NCOR2: variants seen among roughly 807,000 people sequenced by gnomAD.
NCOR2 encodes the protein nuclear receptor corepressor 2.
NCOR2 carries 81 observed loss-of-function variants against 262.9 expected under a neutral mutation model. The observed-to-expected ratio is 0.31, with a 90% CI of 0.26 to 0.37. The LOEUF (loss-of-function observed/expected upper bound fraction) is 0.37. Among genes scored for constraint, NCOR2 ranks in the 10% least tolerant of loss-of-function variants. The pLI, the probability that NCOR2 is intolerant of heterozygous loss-of-function variation, is 1.00. For synonymous variants in NCOR2, 1,659 were observed against 1,559.3 expected (o/e 1.06, Z -1.51); for missense variants, 3,385 against 3,621.4 (o/e 0.93, Z 1.68).
At chr12:124,358,056 G>A (rs575505025) in intron 22 of NCOR2, among the ~76,000 whole-genome samples, 6 of 140,424 alleles carry the variant, frequency 4.3e-5, no homozygotes, top group Admixed American at 7.2e-5. Flanking sequence ...GTGTGTGCCT[G>A]TACACAATGT....
chr12:124,557,838 C>T (rs1158175041), intron 1 of NCOR2, among the ~76,000 whole-genome samples: 1 of 152,154 alleles, frequency 6.6e-6, no homozygotes, highest in Non-Finnish European at 1.5e-5. Context: ...CACAGAATTC[C>T]TCCCAAATCC....
At chr12:124,490,791 G>A (rs776485964) in intron 1 of NCOR2, among the ~76,000 whole-genome samples, 12 of 152,236 alleles carry the variant, frequency 7.9e-5, no homozygotes, top group Non-Finnish European at 1.6e-4. Context: ...GTTGCCAACT[G>A]CAACGAAGTG....
chr12:124,515,879 T>C (rs886627829), intron 1 of NCOR2, among the ~76,000 whole-genome samples: 2 of 152,192 alleles, frequency 1.3e-5, no homozygotes, highest in African/African-American at 4.8e-5. Flanking sequence ...CTGAGCTGCC[T>C]CGTCACAAAG....
intron 4 of NCOR2, among the ~76,000 whole-genome samples, chr12:124,467,818 A>C (rs1593681049): frequency 1.2e-4 from 4 of 32,904 alleles, no homozygotes; most frequent in Admixed American, 4.4e-4. Flanking sequence ...CATCCTTATC[A>C]CCCCCATCAC....
chr12:124,435,985 C>T (rs985226935), intron 8 of NCOR2, among the ~76,000 whole-genome samples: 2 of 152,248 alleles, frequency 1.3e-5, no homozygotes, highest in Non-Finnish European at 2.9e-5. Flanking sequence ...CTCAGAAGAG[C>T]GCCTGCAACA....
At chr12:124,371,909 C>T (rs945396580) in intron 20 of NCOR2, 113 bp downstream of exon 22, 35 of 1,103,806 alleles carry the variant, frequency 3.2e-5, no homozygotes, top group African/African-American at 2.5e-4. Flanking sequence ...AACCACACCT[C>T]GGGCTCCCCC....
At chr12:124,475,755 GC>G (rs1401263812) in intron 3 of NCOR2, among the ~76,000 whole-genome samples, 2 of 152,228 alleles carry the variant, frequency 1.3e-5, no homozygotes, top group African/African-American at 4.8e-5. Flanking sequence ...TTGACGACAT[GC>G]CCAAGGCCAC....
intron 24 of NCOR2, 38 bp from the exon 27 acceptor site, chr12:124,354,977 G>C: frequency 6.4e-7 from 1 of 1,570,628 alleles, no homozygotes; most frequent in Non-Finnish European, 8.7e-7. Flanking sequence ...GGGGCACCCT[G>C]GTCCCTCCCC....
At chr12:124,350,636 C>G in exon 28 of NCOR2, 1 of 1,613,996 alleles carries the variant, frequency 6.2e-7, no homozygotes, top group Non-Finnish European at 8.5e-7. Context: ...TGACGTGGCC[C>G]TTGGGCAGGC....
At chr12:124,392,206 G>A (rs1483602123) in intron 16 of NCOR2, among the ~76,000 whole-genome samples, 1 of 152,208 alleles carries the variant, frequency 6.6e-6, no homozygotes, top group Non-Finnish European at 1.5e-5. Flanking sequence ...GGGAAGGGGG[G>A]CTTGTTGATG....
chr12:124,354,441 G>A (rs987019274), intron 26 of NCOR2, 37 bp downstream of exon 28: 7 of 1,450,678 alleles, frequency 4.8e-6, no homozygotes, highest in Non-Finnish European at 6.4e-6. Context: ...GAGGAACAGG[G>A]GCAGATGCTG....
chr12:124,547,621 C>T (rs1475903289), intron 1 of NCOR2, among the ~76,000 whole-genome samples: 1 of 152,236 alleles, frequency 6.6e-6, no homozygotes, highest in African/African-American at 2.4e-5. Flanking sequence ...AAAACATTTT[C>T]ATCACTCTAA....
At chr12:124,536,089 T>C (rs1309255600), upstream of NCOR2, among the ~76,000 whole-genome samples, 4 of 152,034 alleles carry the variant, frequency 2.6e-5, no homozygotes, top group Non-Finnish European at 5.9e-5. Flanking sequence ...TTTTGGAGTG[T>C]TTTTGTTTTT....
rs1445856029 is a variant in NCOR2 at position 124,362,116 on chromosome 12, G to A, written c.3100+10C>T. On this transcript the variant is annotated intron_variant, in intron 22 of 46. Transcript: ENST00000405201. ...GCCCCAGCCCCACTCAGCCACTGGT[G>A]TGCACTCACCCTCCTTGTCGGCGGG... 1.6e-5 allele frequency: 21 copies of A among 1,294,524 alleles called. No homozygotes were observed. The highest frequency in any genetic ancestry group is 2.1e-5 in the Non-Finnish European group (21 of 1,021,742). The allele number at this position is 1,294,524 out of a possible 1,614,324, so 80.2% of individuals were successfully genotyped here. A position where few individuals can be genotyped will look rare whatever the true frequency, so the allele number is the denominator to read the frequency against.
At chr12:124,348,615 C>T (rs1184114457) in intron 28 of NCOR2, 2 of 450,990 alleles carry the variant, frequency 4.4e-6, no homozygotes, top group South Asian at 4.0e-5. Context: ...GTGCCTGTGA[C>T]CACATGAGCA....
At chr12:124,386,729 C>G (rs186804001) in intron 16 of NCOR2, among the ~76,000 whole-genome samples, 1 of 152,358 alleles carries the variant, frequency 6.6e-6, no homozygotes, top group Admixed American at 6.5e-5. Context: ...ACACCAGGCT[C>G]GGCAGAAACA....
At chr12:124,485,157 T>A (rs2047710139) in intron 2 of NCOR2, among the ~76,000 whole-genome samples, 1 of 152,160 alleles carries the variant, frequency 6.6e-6, no homozygotes, top group Non-Finnish European at 1.5e-5. Context: ...GCTCAAATAA[T>A]GTCCTCCCAA....
Position 124,549,502 on chromosome 12 carries a change from G to A in NCOR2, c.-164-13891C>T, listed in dbSNP as rs371623310. ...CTGCAGTAGAAACCCCCACCCGCGA[G>A]GCCAGGCACAGAGAAGGTACCAAGG... On this transcript the variant is annotated intron_variant, in intron 1 of 32. Coordinates refer to the NCOR2 transcript ENST00000458234. This position sits in a 1 kb window ranked among gnomAD's most constrained non-coding sequence, Gnocchi z 4.4. Among the ~76,000 whole-genome samples the A allele has an allele frequency of 7.2e-5, 11 of 152,156 alleles. No individual in the cohort carries two copies. Among genetic ancestry groups the A allele is most frequent in the African/African-American group, 2.2e-4 (9 of 41,508 alleles).
intron 20 of NCOR2, among the ~76,000 whole-genome samples, chr12:124,366,117 C>A (rs2039016466): frequency 1.3e-5 from 2 of 152,306 alleles, no homozygotes; most frequent in South Asian, 4.2e-4. Context: ...GAGCAAATGT[C>A]TATGCAGAAA....
Sources: allele counts gnomAD v4.1 joint callset (sites outside exome capture counted in the v4.1 genomes callset), GRCh38; gene constraint gnomAD v4.1.1; non-coding constraint Gnocchi (gnomAD v3.1); transcripts MANE v1.5; gene names NCBI Gene and HGNC (gene_info 2026-07-23, HGNC 2026-07-21).